CLDN10: variants seen among roughly 807,000 people sequenced by gnomAD.
CLDN10 encodes claudin 10, also known as claudin-10.
In CLDN10, 15 loss-of-function variants were observed where a neutral mutation model predicts 22.9. The ratio of observed to expected loss-of-function variants is 0.65; its 90% CI spans 0.44 to 1.01. The LOEUF (loss-of-function observed/expected upper bound fraction) is 1.01, where lower values mean the gene tolerates loss of function less well. Among genes scored for constraint, CLDN10 ranks in the 50% least tolerant of loss-of-function variants. CLDN10 has a pLI of 0.00. For missense variants in CLDN10, 247 were observed against 287.8 expected, an observed-to-expected ratio of 0.86 and a Z score of 1.03; for synonymous variants, 114 against 111.4, an observed-to-expected ratio of 1.02 and a Z score of -0.15.
At chr13:95,456,240 A>G (rs1251837983) in intron 1 of CLDN10, among the ~76,000 whole-genome samples, 6 of 152,188 alleles carry the variant, frequency 3.9e-5, no homozygotes. Flanking sequence ...ATCGTCTCCC[A>G]TCTTTACTCC....
chr13:95,445,262 G>C (rs2042362230), intron 1 of CLDN10, among the ~76,000 whole-genome samples: 2 of 152,244 alleles, frequency 1.3e-5, no homozygotes, highest in Non-Finnish European at 2.9e-5. Context: ...TGACACCTAA[G>C]ATGTGCACAG....
chr13:95,535,822 G>A (rs1359351643), intron 1 of CLDN10, among the ~76,000 whole-genome samples: 4 of 152,162 alleles, frequency 2.6e-5, no homozygotes, highest in Non-Finnish European at 4.4e-5. Flanking sequence ...TCGTGGAACA[G>A]GCAGAGAAAT....
intron 1 of CLDN10, among the ~76,000 whole-genome samples, chr13:95,493,543 A>C: frequency 7.0e-6 from 1 of 142,000 alleles, no homozygotes; most frequent in Non-Finnish European, 1.5e-5. Context: ...TACCCTATAT[A>C]TTTGCCTACC....
intron 1 of CLDN10, among the ~76,000 whole-genome samples, chr13:95,480,193 C>T (rs1452734442): frequency 6.7e-6 from 1 of 150,194 alleles, no homozygotes; most frequent in African/African-American, 2.5e-5. Flanking sequence ...ATGACCCGCC[C>T]CCATGATTCA....
chr13:95,503,555 C>T (rs982253201), intron 1 of CLDN10, among the ~76,000 whole-genome samples: 1 of 152,148 alleles, frequency 6.6e-6, no homozygotes, highest in Non-Finnish European at 1.5e-5. Flanking sequence ...TTTATAGCAG[C>T]ACTGTTTATA....
intron 1 of CLDN10, among the ~76,000 whole-genome samples, chr13:95,449,788 G>GGCTGGA (rs1455000884): frequency 2.8e-5 from 4 of 144,726 alleles, no homozygotes; most frequent in African/African-American, 1.0e-4. Context: ...CTGTCTCCCA[G>GGCTGGA]GCTGGAGTGC....
At chr13:95,488,090 A>G (rs1335928369) in intron 1 of CLDN10, among the ~76,000 whole-genome samples, 1 of 151,620 alleles carries the variant, frequency 6.6e-6, no homozygotes, top group Non-Finnish European at 1.5e-5. Context: ...GGTTCAAGCA[A>G]TTCTCTACCT....
upstream of CLDN10, among the ~76,000 whole-genome samples, chr13:95,551,887 A>T (rs185307417): frequency 2.1e-5 from 3 of 145,282 alleles, no homozygotes; most frequent in Admixed American, 6.7e-5. Flanking sequence ...GAGGTGGTTT[A>T]AAAAAAAATA....
At chr13:95,563,206 AGAG>A (rs2043741097) in intron 3 of CLDN10, among the ~76,000 whole-genome samples, 1 of 137,832 alleles carries the variant, frequency 7.3e-6, no homozygotes, top group Non-Finnish European at 1.7e-5. Flanking sequence ...GAGAGTTAAG[AGAG>A]GAGAGAGAGA....
chr13:95,559,229 C>T (rs2138656101), intron 1 of CLDN10, among the ~76,000 whole-genome samples: 1 of 152,190 alleles, frequency 6.6e-6, no homozygotes, highest in South Asian at 2.1e-4. Flanking sequence ...ATGAAAATGG[C>T]TTATGTGGTA....
At chr13:95,502,906 G>C (rs1011379753) in intron 1 of CLDN10, among the ~76,000 whole-genome samples, 1 of 151,810 alleles carries the variant, frequency 6.6e-6, no homozygotes, top group Non-Finnish European at 1.5e-5. Context: ...AAGATGTCCT[G>C]TTTCTGGAGC....
At chr13:95,547,884 G>A (rs915804302), upstream of CLDN10, among the ~76,000 whole-genome samples, 1 of 152,142 alleles carries the variant, frequency 6.6e-6, no homozygotes, top group Admixed American at 6.5e-5. Context: ...ATTTAACAAA[G>A]GAGGGAGGCA....
intron 1 of CLDN10, among the ~76,000 whole-genome samples, 158 bp from the exon 2 acceptor site, chr13:95,559,974 A>G (rs1159316130): frequency 1.3e-5 from 2 of 152,264 alleles, no homozygotes; most frequent in Non-Finnish European, 2.9e-5. Flanking sequence ...CTCCCTGTAG[A>G]TTAACTTGCT....
intron 1 of CLDN10, among the ~76,000 whole-genome samples, chr13:95,468,275 A>G (rs1382536683): frequency 6.6e-6 from 1 of 152,068 alleles, no homozygotes; most frequent in East Asian, 1.9e-4. Flanking sequence ...CCTCTGGCCA[A>G]TAGGCTCTGG....
chr13:95,577,992 T>C lies in CLDN10; in HGVS notation c.665T>C (p.Phe222Ser), dbSNP rs1229082890. The C allele has an allele frequency of 6.2e-7, 1 of 1,610,758 alleles. No homozygotes were observed. Among genetic ancestry groups the C allele is most frequent in the African/African-American group, 1.3e-5 (1 of 74,856 alleles). Residue 222 changes from phenylalanine to serine, a missense_variant, in exon 5 of 5, where the codon TTT becomes TCT. Physicochemically the swap from Phe to Ser is radical, Grantham distance 155. Transcript: ENST00000299339. ...AAAACAACAAACCCTTCAAAACAGT[T>C]TGATAAAAATGCTTATGTCTAAAAG... ...DFKTTNPSKQFDKNAYV is the reference protein window; with the variant it reads ...DFKTTNPSKQSDKNAYV
Position 95,577,271 on chromosome 13 carries a change from G to T in CLDN10, c.505G>T (p.Ala169Ser), listed in dbSNP as rs201348784. The T allele has an allele frequency of 1.8e-4, 284 of 1,614,128 alleles. No homozygotes were observed. Among genetic ancestry groups the T allele is most frequent in the Admixed American group, 1.6e-3 (95 of 60,024 alleles). ...GAALFIGWAGASLCIIGGVIF... is the reference protein window; with the variant it reads ...GAALFIGWAGSSLCIIGGVIF... ...CGCTCTGTTTATTGGATGGGCAGGA[G>T]CCTCACTGTGCATAATTGGTGGTGT... The change falls in exon 4 of 5, where the codon GCC becomes TCC. Residue 169 changes from alanine to serine, a missense_variant. Ala to Ser is a moderately conservative substitution (Grantham distance 99, BLOSUM62 1). Transcript: ENST00000299339.
intron 3 of CLDN10, among the ~76,000 whole-genome samples, chr13:95,563,635 A>G (rs768396643): frequency 2.6e-5 from 4 of 152,218 alleles, no homozygotes; most frequent in African/African-American, 7.2e-5. Context: ...AAGGTCCTCC[A>G]TGATTTCAAC....
intron 1 of CLDN10, among the ~76,000 whole-genome samples, chr13:95,485,265 C>A (rs1467368066): frequency 6.6e-6 from 1 of 151,702 alleles, no homozygotes; most frequent in Non-Finnish European, 1.5e-5. Flanking sequence ...GACCTGAAGC[C>A]TAGCACTGCG....
At chr13:95,481,888 G>A (rs1190237711) in intron 1 of CLDN10, among the ~76,000 whole-genome samples, 1 of 152,092 alleles carries the variant, frequency 6.6e-6, no homozygotes, top group African/African-American at 2.4e-5. Flanking sequence ...GTGTGGTGGT[G>A]CATGTCTGTA....
Sources: gnomAD v4.1 joint callset for allele counts (sites outside exome capture counted in the v4.1 genomes callset) on GRCh38, gnomAD v4.1.1 for gene constraint, MANE v1.5 for transcripts, NCBI Gene and HGNC (gene_info 2026-07-23, HGNC 2026-07-21) for gene names.